Variants in CLNK observed in about 807,000 individuals in gnomAD.
CLNK encodes cytokine-dependent hematopoietic cell linker.
CLNK carries 74 observed loss-of-function variants against 68.6 expected under a neutral mutation model. The ratio of observed to expected loss-of-function variants is 1.08; its 90% CI spans 0.89 to 1.31. CLNK has a LOEUF of 1.31. Among genes scored for constraint, CLNK ranks in the 50% most tolerant of loss-of-function variants. The pLI is 0.00. For synonymous variants in CLNK, 198 were observed against 172.2 expected (o/e 1.15, Z -1.17); for missense variants, 553 against 515.3 (o/e 1.07, Z -0.71).
rs542094715 is a variant in CLNK, at chr4:10,586,371, C to T, written c.84-1416G>A. Among the ~76,000 whole-genome samples the T allele has an allele frequency of 7.6e-5, 11 of 144,022 alleles. No homozygotes were observed. In the South Asian group the frequency reaches 1.1e-3, roughly 15 times the overall value. The allele number at this position is 144,022 out of a possible 152,430, so 94.5% of individuals were successfully genotyped here. A position where few individuals can be genotyped will look rare whatever the true frequency, so the allele number is the denominator to read the frequency against. ...TTTTTTTTTGAGACAGAGTCTCTGT[C>T]ACCAGGCTGGAGTGCAGTGGTACGA... On this transcript the variant is annotated intron_variant, in intron 3 of 18. Transcript: ENST00000226951.
At chr4:10,694,963 A>C in the CLNK span, among the ~76,000 whole-genome samples, 3 of 152,184 alleles carry the variant, frequency 2.0e-5, no homozygotes, top group African/African-American at 7.2e-5. Flanking sequence ...TATCTTGCCT[A>C]CTGTGAATAA....
chr4:10,665,701 G>T (rs188766806), intron 2 of CLNK, among the ~76,000 whole-genome samples: 9 of 150,328 alleles, frequency 6.0e-5, no homozygotes, highest in African/African-American at 2.2e-4. Flanking sequence ...AAGCAGAGAC[G>T]GAAAGGGTGG....
chr4:10,565,707 G>A (rs755066187), intron 6 of CLNK, among the ~76,000 whole-genome samples: 10 of 152,116 alleles, frequency 6.6e-5, no homozygotes, highest in Non-Finnish European at 1.0e-4. Flanking sequence ...AGAGCATCGT[G>A]ATAATAACAG....
chr4:10,592,558 A>G (rs755228484), intron 3 of CLNK, among the ~76,000 whole-genome samples: 1 of 151,400 alleles, frequency 6.6e-6, no homozygotes, highest in Non-Finnish European at 1.5e-5. Context: ...AGTGCCAGGC[A>G]TCATAGGAGG....
intron 2 of CLNK, among the ~76,000 whole-genome samples, chr4:10,639,807 G>T (rs1209511279): frequency 6.6e-6 from 1 of 152,158 alleles, no homozygotes; most frequent in Non-Finnish European, 1.5e-5. Context: ...AGGTCTGTTG[G>T]GTGGTGCTGC....
At chr4:10,602,100 T>A (rs974127713) in intron 2 of CLNK, among the ~76,000 whole-genome samples, 2 of 152,208 alleles carry the variant, frequency 1.3e-5, no homozygotes, top group African/African-American at 4.8e-5. Flanking sequence ...TTTGCATTGA[T>A]CTTTGATTTC....
At chr4:10,706,087 T>A in the CLNK span, among the ~76,000 whole-genome samples, 29 of 152,068 alleles carry the variant, frequency 1.9e-4, no homozygotes, top group African/African-American at 6.3e-4. Context: ...TGTGCTAGAG[T>A]CTTGCTTTGG....
chr4:10,585,807 G>A (rs774360398), intron 3 of CLNK, among the ~76,000 whole-genome samples: 1 of 152,104 alleles, frequency 6.6e-6, no homozygotes, highest in Admixed American at 6.6e-5. Context: ...ATCAAATAAC[G>A]TGTAGGATTT....
At chr4:10,514,113 GT>G (rs1383214761) in intron 15 of CLNK, among the ~76,000 whole-genome samples, 1 of 140,460 alleles carries the variant, frequency 7.1e-6, no homozygotes, top group Non-Finnish European at 1.5e-5. Flanking sequence ...GCGGTGTTTG[GT>G]TTTTTGTTCT....
At chr4:10,496,644 G>A (rs892249651) in intron 18 of CLNK, among the ~76,000 whole-genome samples, 1 of 152,206 alleles carries the variant, frequency 6.6e-6, no homozygotes, top group Non-Finnish European at 1.5e-5. Context: ...GGTGTTATTT[G>A]AGTCTGTTTG....
chr4:10,525,947 G>A, intron 13 of CLNK, 25 bp from the exon 14 acceptor site: 4 of 1,443,214 alleles, frequency 2.8e-6, no homozygotes, highest in South Asian at 1.3e-5. Flanking sequence ...GACATAATTT[G>A]GTCAGGTTGC....
chr4:10,583,073 C>T (rs61795140), intron 4 of CLNK, among the ~76,000 whole-genome samples: 4,847 of 152,236 alleles, frequency 0.032, 108 homozygotes, highest in Non-Finnish European at 0.048. Context: ...ATGATCCCAT[C>T]GTCAAAAATC....
intron 15 of CLNK, among the ~76,000 whole-genome samples, chr4:10,515,532 G>A (rs1717801936): frequency 1.3e-5 from 2 of 151,130 alleles, no homozygotes; most frequent in South Asian, 2.1e-4. Context: ...ACAAACTACT[G>A]TTATTCCGAC....
chr4:10,553,027 C>A (rs879835115), intron 8 of CLNK, among the ~76,000 whole-genome samples: 1 of 148,000 alleles, frequency 6.8e-6, no homozygotes, highest in Admixed American at 6.9e-5. Context: ...GTTCATCGCT[C>A]CCCCAGGGAC....
intron 2 of CLNK, among the ~76,000 whole-genome samples, chr4:10,609,017 C>T (rs1186675857): frequency 6.6e-6 from 1 of 152,210 alleles, no homozygotes; most frequent in South Asian, 2.1e-4. Context: ...ACAATACCAT[C>T]ATTGGTAGTT....
chr4:10,515,237 C>CAA (rs575002968), intron 15 of CLNK, among the ~76,000 whole-genome samples: 1 of 149,912 alleles, frequency 6.7e-6, no homozygotes, highest in Non-Finnish European at 1.5e-5. Flanking sequence ...GACTCCATCT[C>CAA]AAAAAAAAAG....
chr4:10,666,782 T>C (rs778684422), intron 2 of CLNK, among the ~76,000 whole-genome samples: 4 of 152,244 alleles, frequency 2.6e-5, no homozygotes, highest in East Asian at 1.9e-4. Flanking sequence ...GCTGTGCTTT[T>C]CATGGCAAGA....
chr4:10,656,260 C>T (rs918683867), intron 2 of CLNK, among the ~76,000 whole-genome samples: 1 of 101,674 alleles, frequency 9.8e-6, no homozygotes, highest in African/African-American at 4.0e-5. Flanking sequence ...ACTCAAGTCA[C>T]AAAATGAGAA....
intron 5 of CLNK, among the ~76,000 whole-genome samples, chr4:10,567,102 A>G (rs1321169800): frequency 6.6e-6 from 1 of 150,568 alleles, no homozygotes; most frequent in African/African-American, 2.4e-5. Context: ...GAAAATAAGA[A>G]GAACCAAGAA....
Sources: allele counts gnomAD v4.1 joint callset (sites outside exome capture counted in the v4.1 genomes callset), GRCh38; gene constraint gnomAD v4.1.1; transcripts MANE v1.5; gene names NCBI Gene and HGNC (gene_info 2026-07-23, HGNC 2026-07-21).